Variants in CTNND2 observed in about 807,000 individuals in gnomAD.
CTNND2 encodes the protein catenin delta 2.
In CTNND2, 22 loss-of-function variants were observed where a neutral mutation model predicts 144.4. That is an observed-to-expected ratio of 0.15 (90% CI 0.11 to 0.22). The LOEUF (loss-of-function observed/expected upper bound fraction) is 0.22, where lower values mean the gene tolerates loss of function less well. Ranked by LOEUF, CTNND2 falls within the 10% of genes least tolerant of loss-of-function variation. CTNND2 has a pLI of 1.00. For missense variants in CTNND2, 1,353 were observed against 1,618.8 expected, an observed-to-expected ratio of 0.84 and a Z score of 2.82; for synonymous variants, 751 against 695.6, an observed-to-expected ratio of 1.08 and a Z score of -1.25.
chr5:11,655,765 C>G (rs1782881799), intron 2 of CTNND2, among the ~76,000 whole-genome samples: 1 of 152,034 alleles, frequency 6.6e-6, no homozygotes, highest in Non-Finnish European at 1.5e-5. Flanking sequence ...CCCTAAGAAG[C>G]TTTCATACAT....
chr5:11,591,564 G>T (rs1472150445), intron 2 of CTNND2, among the ~76,000 whole-genome samples: 11 of 113,828 alleles, frequency 9.7e-5, no homozygotes, highest in African/African-American at 3.0e-4. Context: ...TCTTTTTTTT[G>T]AATAATCTTT....
At chr5:10,994,371 A>AGCG (rs1333121919) in intron 18 of CTNND2, among the ~76,000 whole-genome samples, 1 of 19,860 alleles carries the variant, frequency 5.0e-5, no homozygotes, top group Non-Finnish European at 9.7e-5. Context: ...GGGAAGGAGG[A>AGCG]AGGGGCCGGG....
At chr5:11,889,800 T>C (rs566799801) in intron 1 of CTNND2, among the ~76,000 whole-genome samples, 3 of 152,332 alleles carry the variant, frequency 2.0e-5, no homozygotes, top group African/African-American at 7.2e-5. Flanking sequence ...TTGCAACTTT[T>C]AAAACTCCAT....
In CTNND2 at chr5:11,208,155, A is replaced by T. The variant is rs142804217; in HGVS notation, c.1762-8494T>A. ...TACTTAGGAAATAAATATGTTATGA[A>T]TTGGGAAATTTCTGTATGAAGAAAA... On this transcript the variant is annotated intron_variant, in intron 10 of 21. Coordinates refer to ENST00000304623, the MANE Select transcript of CTNND2 (RefSeq NM_001332.4). Among the ~76,000 whole-genome samples, 307 of 152,316 alleles carry T rather than the reference A, an allele frequency of 2.0e-3. 1 individual carries two copies. Among genetic ancestry groups the T allele is most frequent in the African/African-American group, 7.0e-3 (292 of 41,588 alleles).
intron 3 of CTNND2, among the ~76,000 whole-genome samples, chr5:11,437,974 G>A (rs927973058): frequency 2.6e-5 from 4 of 152,168 alleles, no homozygotes; most frequent in Non-Finnish European, 4.4e-5. Flanking sequence ...GGTCAGTATA[G>A]GCTGTTATGT....
At chr5:11,668,401 G>A (rs1280316606) in intron 2 of CTNND2, among the ~76,000 whole-genome samples, 1 of 152,222 alleles carries the variant, frequency 6.6e-6, no homozygotes, top group African/African-American at 2.4e-5. Flanking sequence ...CACGAGCATG[G>A]AATGTTTATC....
chr5:11,732,891 G>A (rs1029402221), intron 1 of CTNND2, among the ~76,000 whole-genome samples: 2 of 151,776 alleles, frequency 1.3e-5, no homozygotes, highest in African/African-American at 2.4e-5. Context: ...TTCCACAGAG[G>A]GTCCTGCCCC....
chr5:11,879,069 C>T (rs189363321), intron 1 of CTNND2, among the ~76,000 whole-genome samples: 3 of 152,048 alleles, frequency 2.0e-5, no homozygotes, highest in Admixed American at 2.0e-4. Context: ...AGACAGTACC[C>T]CACGGAAGAG....
At chr5:11,476,577 T>C (rs1249393898) in intron 3 of CTNND2, among the ~76,000 whole-genome samples, 1 of 152,140 alleles carries the variant, frequency 6.6e-6, no homozygotes, top group Non-Finnish European at 1.5e-5. Flanking sequence ...ATCTTCCCCA[T>C]ACAATCAGCT....
chr5:11,903,083 A>T lies in CTNND2; in HGVS notation c.37+734T>A, dbSNP rs995455524. 1.4e-4 allele frequency: 89 copies of T among 621,758 alleles called. No homozygotes were observed. The highest frequency in any genetic ancestry group is 1.6e-4 in the Non-Finnish European group (78 of 497,718). 38.5% of individuals were successfully genotyped at this position (621,758 alleles called of 1,614,324 possible). A position where few individuals can be genotyped will look rare whatever the true frequency, so the allele number is the denominator to read the frequency against. On this transcript the variant is annotated intron_variant, in intron 1 of 21. Transcript: ENST00000304623. This position sits in a 1 kb window ranked among gnomAD's most constrained non-coding sequence, Gnocchi z 5.4. ...ATAAGATGAGGGTCGGGAAAAAAAG[A>T]AAAAAGCAGCTTCGCTTTCAGCCAT...
At chr5:11,181,708 C>T (rs199861427) in intron 11 of CTNND2, among the ~76,000 whole-genome samples, 21 of 131,240 alleles carry the variant, frequency 1.6e-4, no homozygotes, top group Middle Eastern at 5.3e-3. Context: ...GTGGTGTATG[C>T]GTGTGGTGTG....
At chr5:11,502,399 T>C (rs1770619834) in intron 3 of CTNND2, among the ~76,000 whole-genome samples, 1 of 152,194 alleles carries the variant, frequency 6.6e-6, no homozygotes, top group African/African-American at 2.4e-5. Flanking sequence ...CCTTACGATT[T>C]GTACCTGCTG....
At chr5:11,313,532 C>T (rs1317343986) in intron 9 of CTNND2, among the ~76,000 whole-genome samples, 5 of 152,180 alleles carry the variant, frequency 3.3e-5, no homozygotes, top group Non-Finnish European at 5.9e-5. Flanking sequence ...TGCTGCCTTT[C>T]TCCTCAACCG....
At chr5:11,626,864 G>C (rs190396969) in intron 2 of CTNND2, among the ~76,000 whole-genome samples, 1 of 152,188 alleles carries the variant, frequency 6.6e-6, no homozygotes, top group Non-Finnish European at 1.5e-5. Context: ...GAACCCATTA[G>C]TGTTTTAATT....
At chr5:11,688,547 T>G (rs1041343828) in intron 2 of CTNND2, among the ~76,000 whole-genome samples, 1 of 152,256 alleles carries the variant, frequency 6.6e-6, no homozygotes, top group African/African-American at 2.4e-5. Flanking sequence ...GATTCTTTCA[T>G]TTTACAATTT....
At chr5:11,546,054 C>T (rs1450653625) in intron 3 of CTNND2, among the ~76,000 whole-genome samples, 1 of 151,892 alleles carries the variant, frequency 6.6e-6, no homozygotes, top group African/African-American at 2.4e-5. Flanking sequence ...GTGAAAAGAG[C>T]CAATAATAAA....
chr5:11,411,083 A>T (rs1761492399), intron 5 of CTNND2, among the ~76,000 whole-genome samples: 1 of 152,010 alleles, frequency 6.6e-6, no homozygotes, highest in Non-Finnish European at 1.5e-5. Flanking sequence ...CATATTGGCC[A>T]GGCTGGTCTC....
At chr5:11,674,137 T>C (rs1271809488) in intron 2 of CTNND2, among the ~76,000 whole-genome samples, 1 of 152,234 alleles carries the variant, frequency 6.6e-6, no homozygotes, top group Non-Finnish European at 1.5e-5. Flanking sequence ...ATTCTTTGAA[T>C]ATCTTTTGAA....
At chr5:11,502,200 G>T (rs2150010728) in intron 3 of CTNND2, among the ~76,000 whole-genome samples, 2 of 152,102 alleles carry the variant, frequency 1.3e-5, no homozygotes, top group Middle Eastern at 6.8e-3. Context: ...ATAAATGTTT[G>T]TTGTTGAAGC....
Sources: gnomAD v4.1 joint callset for allele counts (sites outside exome capture counted in the v4.1 genomes callset) on GRCh38, gnomAD v4.1.1 for gene constraint, Gnocchi (gnomAD v3.1) non-coding constraint, MANE v1.5 for transcripts, NCBI Gene and HGNC (gene_info 2026-07-23, HGNC 2026-07-21) for gene names.